The following FUT8 variants were observed in gnomAD, a reference collection of about 807,000 sequenced individuals.
FUT8 encodes fucosyltransferase 8, also known as alpha-(1,6)-fucosyltransferase.
FUT8 carries 29 observed loss-of-function variants against 71.3 expected under a neutral mutation model. That is an observed-to-expected ratio of 0.41 (90% confidence interval 0.30 to 0.55). The LOEUF (loss-of-function observed/expected upper bound fraction) is 0.55, where lower values mean the gene tolerates loss of function less well. Ranked by LOEUF, FUT8 falls within the 20% of genes least tolerant of loss-of-function variation. FUT8 has a pLI of 0.34. For missense variants in FUT8, 544 were observed against 702.1 expected, an observed-to-expected ratio of 0.77 and a Z score of 2.55; for synonymous variants, 254 against 239.3, an observed-to-expected ratio of 1.06 and a Z score of -0.57.
At chr14:65,395,239 T>C in the FUT8 span, among the ~76,000 whole-genome samples, 1 of 152,236 alleles carries the variant, frequency 6.6e-6, no homozygotes, top group Non-Finnish European at 1.5e-5. Context: ...TGGTACAAGC[T>C]GTTGCTGGAT....
chr14:65,420,155 A>G (rs2065272112), intron 1 of FUT8, among the ~76,000 whole-genome samples: 1 of 152,228 alleles, frequency 6.6e-6, no homozygotes. Context: ...ATAATAAAAA[A>G]AAGATTAGTG....
the FUT8 span, among the ~76,000 whole-genome samples, chr14:65,378,918 C>G: frequency 7.9e-6 from 1 of 126,538 alleles, no homozygotes; most frequent in African/African-American, 2.9e-5. Context: ...ATGATCTCAG[C>G]TCACTGCAAC....
At chr14:65,423,885 T>A (rs7151561) in intron 1 of FUT8, among the ~76,000 whole-genome samples, 2,652 of 152,190 alleles carry the variant, frequency 0.017, 78 homozygotes, top group African/African-American at 0.061. Flanking sequence ...AATTTTTGCA[T>A]CTGCTGGTGT....
At position 65,743,566 on chromosome 14, in the gene FUT8, A is replaced by G. The variant is rs1446760480; in HGVS notation, c.*1156A>G. 4 of 151,808 alleles carry G rather than the reference A, an allele frequency of 2.6e-5. No homozygotes were observed. The highest frequency in any genetic ancestry group is 9.7e-5 in the African/African-American group (4 of 41,378). 9.4% of individuals were successfully genotyped at this position (151,808 alleles called of 1,614,324 possible). On this transcript the variant is annotated 3_prime_UTR_variant, in exon 11 of 11. Coordinates refer to ENST00000673929, the MANE Select transcript of FUT8 (RefSeq NM_001371533.1). Reference sequence around the variant, plus strand: ...CAGGAACCAATTTCTGCCCTAGCCTATCATGCCCTGCTTTTGAGAGTACCA... The same window carrying G: ...CAGGAACCAATTTCTGCCCTAGCCTGTCATGCCCTGCTTTTGAGAGTACCA...
intron 6 of FUT8, among the ~76,000 whole-genome samples, chr14:65,651,703 G>A (rs1891415666): frequency 6.6e-6 from 1 of 151,974 alleles, no homozygotes. Context: ...GATGATATAA[G>A]GGAGAAACAA....
chr14:65,409,699 C>T (rs1245507673), upstream of FUT8, among the ~76,000 whole-genome samples: 1 of 152,180 alleles, frequency 6.6e-6, no homozygotes, highest in Non-Finnish European at 1.5e-5. The surrounding 1 kb of genome is among the most constrained non-coding windows in gnomAD (Gnocchi z 5.4). Flanking sequence ...AGGGTTGACT[C>T]CTTCTTGCCC....
chr14:65,368,841 A>G, the FUT8 span, among the ~76,000 whole-genome samples: 1 of 151,880 alleles, frequency 6.6e-6, no homozygotes, highest in African/African-American at 2.4e-5. Context: ...TATTTTTATT[A>G]GAGACGGGGT....
the FUT8 span, among the ~76,000 whole-genome samples, chr14:65,386,384 G>A: frequency 6.8e-6 from 1 of 147,502 alleles, no homozygotes; most frequent in Non-Finnish European, 1.5e-5. Context: ...TGCGCCTATA[G>A]TTTTAGCTAC....
At chr14:65,723,084 A>G (rs1271258105) in intron 8 of FUT8, among the ~76,000 whole-genome samples, 5 of 151,806 alleles carry the variant, frequency 3.3e-5, no homozygotes, top group Admixed American at 6.6e-5. Flanking sequence ...GGCTGAGGCA[A>G]GTGGATCACT....
chr14:65,721,996 C>T lies in FUT8; in HGVS notation c.1057C>T (p.Leu353Phe), dbSNP rs1403133306. 5 of 1,614,032 alleles carry T rather than the reference C, an allele frequency of 3.1e-6. No individual in the cohort carries two copies. The highest frequency in any genetic ancestry group is 4.2e-6 in the Non-Finnish European group (5 of 1,180,034). The change falls in exon 8 of 11, where the codon CTT (leucine) becomes TTT (phenylalanine). Residue 353 changes from leucine (L) to phenylalanine (F), a missense_variant. Physicochemically the swap from Leu to Phe is conservative, Grantham distance 22. Transcript: ENST00000673929. ...EKEIEEATKKLGFKHPVIGVH... is the reference protein window; with the variant it reads ...EKEIEEATKKFGFKHPVIGVH... ...AGAAATAGAAGAAGCCACCAAGAAG[C>T]TTGGCTTCAAACATCCAGTTATTGG...
chr14:65,724,872 A>G (rs1279111304), intron 9 of FUT8, among the ~76,000 whole-genome samples: 2 of 152,064 alleles, frequency 1.3e-5, no homozygotes, highest in African/African-American at 2.4e-5. Context: ...TAATCTCATC[A>G]TGAGGGCCCC....
intron 2 of FUT8, among the ~76,000 whole-genome samples, chr14:65,456,975 G>A (rs1341401585): frequency 6.6e-6 from 1 of 151,878 alleles, no homozygotes; most frequent in African/African-American, 2.4e-5. Flanking sequence ...ATAAAATCAG[G>A]GTAATTGGAA....
chr14:65,694,465 C>T (rs1893879824), intron 7 of FUT8, among the ~76,000 whole-genome samples: 1 of 152,086 alleles, frequency 6.6e-6, no homozygotes, highest in African/African-American at 2.4e-5. Flanking sequence ...ATTTCTAGTT[C>T]CATTGTGGTT....
chr14:65,677,139 TGTGTGTGTGTGTGC>T (rs903401683), intron 7 of FUT8, among the ~76,000 whole-genome samples: 10 of 110,892 alleles, frequency 9.0e-5, no homozygotes, highest in African/African-American at 1.7e-4. Flanking sequence ...TGTGTGTGTG[TGTGTGTGTGTGTGC>T]GCGCGCGCAT....
upstream of FUT8, chr14:65,411,752 C>CA (rs1396093059): frequency 3.1e-6 from 1 of 321,914 alleles, no homozygotes; most frequent in African/African-American, 2.2e-5. Context: ...CCCAAGGCTA[C>CA]AGGGAAGAGT....
the FUT8 span, among the ~76,000 whole-genome samples, chr14:65,395,344 C>T: frequency 6.6e-6 from 1 of 152,370 alleles, no homozygotes; most frequent in Middle Eastern, 3.4e-3. Context: ...TTCAACCCCA[C>T]ATTTCCCTTC....
At chr14:65,598,967 T>C (rs1888150965) in intron 3 of FUT8, among the ~76,000 whole-genome samples, 1 of 152,018 alleles carries the variant, frequency 6.6e-6, no homozygotes. Context: ...ATTTTTTGTA[T>C]TTTAGTAAAG....
chr14:65,595,100 G>T, intron 3 of FUT8, among the ~76,000 whole-genome samples: 1 of 152,070 alleles, frequency 6.6e-6, no homozygotes, highest in East Asian at 1.9e-4. Flanking sequence ...GCCTCCTGTT[G>T]CTGTCAAAAC....
chr14:65,689,829 A>G (rs1448402794), intron 7 of FUT8, among the ~76,000 whole-genome samples: 6 of 151,576 alleles, frequency 4.0e-5, no homozygotes, highest in Non-Finnish European at 8.9e-5. Flanking sequence ...GAGCCACAGC[A>G]CCCAGCCGAG....
Sources: gnomAD v4.1 joint callset for allele counts (sites outside exome capture counted in the v4.1 genomes callset) on GRCh38, gnomAD v4.1.1 for gene constraint, Gnocchi (gnomAD v3.1) non-coding constraint, MANE v1.5 for transcripts, NCBI Gene and HGNC (gene_info 2026-07-23, HGNC 2026-07-21) for gene names.